Variants in GALNT17 observed in about 807,000 individuals in gnomAD.
GALNT17 encodes the protein polypeptide N-acetylgalactosaminyltransferase 17.
GALNT17 carries 29 observed loss-of-function variants against 63.7 expected under a neutral mutation model. That is an observed-to-expected ratio of 0.46 (90% CI 0.34 to 0.62). GALNT17 has a LOEUF of 0.62. GALNT17 is among the 20% of genes least tolerant of loss of function. The probability of loss-of-function intolerance (pLI) is 0.01; values close to 1 mark genes in which losing one functional copy is unlikely to be tolerated. For missense variants in GALNT17, 603 were observed against 799.6 expected, an observed-to-expected ratio of 0.75 and a Z score of 2.97; for synonymous variants, 305 against 318.3, an observed-to-expected ratio of 0.96 and a Z score of 0.45.
intron 1 of GALNT17, among the ~76,000 whole-genome samples, chr7:71,158,419 G>A (rs1039069926): frequency 4.3e-4 from 65 of 151,060 alleles, no homozygotes; most frequent in Admixed American, 3.2e-3. Context: ...TTTTGAGATA[G>A]TGTCTCAATT....
chr7:71,309,330 G>A (rs985146915), intron 1 of GALNT17, among the ~76,000 whole-genome samples: 1 of 151,892 alleles, frequency 6.6e-6, no homozygotes, highest in African/African-American at 2.4e-5. Context: ...CCAGCTACCT[G>A]CCTCCCATCT....
chr7:71,567,684 C>G (rs914204927), intron 5 of GALNT17, among the ~76,000 whole-genome samples: 5 of 152,136 alleles, frequency 3.3e-5, no homozygotes, highest in Non-Finnish European at 7.3e-5. Flanking sequence ...AGGCTGGTCT[C>G]AAACTCCTGA....
intron 4 of GALNT17, 113 bp downstream of exon 4, chr7:71,416,176 TAG>T: frequency 8.1e-7 from 1 of 1,242,210 alleles, no homozygotes; most frequent in Non-Finnish European, 1.1e-6. Flanking sequence ...ACTGGGAGAC[TAG>T]AGAGAGACTC....
At chr7:71,588,823 T>G (rs1040459319) in intron 6 of GALNT17, among the ~76,000 whole-genome samples, 1 of 152,086 alleles carries the variant, frequency 6.6e-6, no homozygotes, top group Non-Finnish European at 1.5e-5. Context: ...GTGATTACTA[T>G]TATTGCTACA....
At chr7:71,183,878 A>G (rs1230756026) in intron 1 of GALNT17, among the ~76,000 whole-genome samples, 1 of 151,954 alleles carries the variant, frequency 6.6e-6, no homozygotes, top group Non-Finnish European at 1.5e-5. Flanking sequence ...CAACAAGAGC[A>G]AGACTCCATC....
intron 1 of GALNT17, among the ~76,000 whole-genome samples, chr7:71,233,320 G>C (rs1789827968): frequency 6.6e-6 from 1 of 152,130 alleles, no homozygotes; most frequent in South Asian, 2.1e-4. Context: ...GAGGGAGAGA[G>C]GATGGCGAGG....
At chr7:71,523,194 G>A (rs1562675042) in intron 5 of GALNT17, among the ~76,000 whole-genome samples, 2 of 152,222 alleles carry the variant, frequency 1.3e-5, no homozygotes, top group African/African-American at 4.8e-5. Context: ...GGGAGGCCAA[G>A]GTGGGAGAAT....
At chr7:71,234,318 G>A (rs1459591636) in intron 1 of GALNT17, among the ~76,000 whole-genome samples, 3 of 152,140 alleles carry the variant, frequency 2.0e-5, no homozygotes, top group Non-Finnish European at 4.4e-5. Context: ...CTGGAGTGCA[G>A]TGGCGCAATC....
chr7:71,411,101 A>T (rs947797742), intron 3 of GALNT17, among the ~76,000 whole-genome samples: 8 of 152,074 alleles, frequency 5.3e-5, no homozygotes, highest in Admixed American at 2.6e-4. Context: ...ATGATAAAGG[A>T]TCTTAGGTGA....
chr7:71,154,722 G>A (rs912650679), intron 1 of GALNT17, among the ~76,000 whole-genome samples: 5 of 151,908 alleles, frequency 3.3e-5, no homozygotes, highest in African/African-American at 1.2e-4. Context: ...GACTACAGGC[G>A]CCCGCCACCA....
At chr7:71,231,830 T>C (rs1384813436) in intron 1 of GALNT17, among the ~76,000 whole-genome samples, 3 of 151,822 alleles carry the variant, frequency 2.0e-5, no homozygotes, top group African/African-American at 7.3e-5. Flanking sequence ...CTAATCCCAT[T>C]ATGAGGGCCC....
rs760467373 is a variant in GALNT17 at position 71,421,141 on chromosome 7, C to T, written c.962+36C>T. On this transcript the variant is annotated intron_variant, in intron 5 of 10. Transcript: ENST00000333538. ...GGTGAGCCCTGGCGGCCAACGAGCC[C>T]CCAAATTCAAGGGTAAAAAGGAGCT... 6.2e-6 allele frequency: 10 copies of T among 1,609,766 alleles called. No homozygotes were observed. In the South Asian group the frequency reaches 1.1e-4, roughly 18 times the overall value.
In GALNT17 at chr7:71,519,513, G is replaced by T. The variant is rs1221931168; in HGVS notation, c.963-51772G>T. Reference sequence around the variant, plus strand: ...GAGTCTCATTCTGTCACCCAGGCTGGAGTGCAGTGGCATGATCTCAGCTCA... The same window carrying T: ...GAGTCTCATTCTGTCACCCAGGCTGTAGTGCAGTGGCATGATCTCAGCTCA... On this transcript the variant is annotated intron_variant, in intron 5 of 10. Coordinates refer to ENST00000333538, the MANE Select transcript of GALNT17 (RefSeq NM_022479.3). 2.6e-5 allele frequency among the ~76,000 whole-genome samples: 4 copies of T among 152,072 alleles called. No homozygotes were observed. In the East Asian group the frequency reaches 7.7e-4, roughly 29 times the overall value.
At chr7:71,260,924 G>T (rs912706111) in intron 1 of GALNT17, among the ~76,000 whole-genome samples, 2 of 152,034 alleles carry the variant, frequency 1.3e-5, no homozygotes. Context: ...CCTTAAACTG[G>T]TTTGATTCCA....
intron 1 of GALNT17, among the ~76,000 whole-genome samples, chr7:71,311,733 G>A (rs1220428447): frequency 1.3e-5 from 2 of 152,198 alleles, no homozygotes; most frequent in Admixed American, 6.5e-5. Flanking sequence ...TGAGTATTCA[G>A]TCATTAGGGA....
chr7:71,271,903 A>G (rs1254326731), intron 1 of GALNT17, among the ~76,000 whole-genome samples: 1 of 152,130 alleles, frequency 6.6e-6, no homozygotes, highest in East Asian at 1.9e-4. Context: ...AGGACCACAG[A>G]TGGGTGCCAC....
intron 1 of GALNT17, among the ~76,000 whole-genome samples, chr7:71,301,415 A>G (rs1791195482): frequency 6.8e-6 from 1 of 147,640 alleles, no homozygotes; most frequent in Non-Finnish European, 1.5e-5. Flanking sequence ...TTAAATATGT[A>G]TATAATAAAA....
intron 5 of GALNT17, among the ~76,000 whole-genome samples, chr7:71,511,378 T>A (rs190892325): frequency 2.7e-4 from 41 of 152,246 alleles, no homozygotes; most frequent in Admixed American, 1.3e-3. Context: ...GAGCAGCAGA[T>A]CCTGCAAGCA....
chr7:71,588,243 A>G (rs1160175512), intron 6 of GALNT17, among the ~76,000 whole-genome samples: 1 of 152,174 alleles, frequency 6.6e-6, no homozygotes, highest in Non-Finnish European at 1.5e-5. Context: ...TTTTATATTT[A>G]CTTTTCACTG....
Sources: gnomAD v4.1 joint callset for allele counts (sites outside exome capture counted in the v4.1 genomes callset) on GRCh38, gnomAD v4.1.1 for gene constraint, MANE v1.5 for transcripts, NCBI Gene and HGNC (gene_info 2026-07-23, HGNC 2026-07-21) for gene names.